Variants in ALPK1 observed in about 807,000 individuals in gnomAD.
ALPK1 encodes the protein alpha kinase 1.
Under a neutral mutation model 120.6 loss-of-function variants are expected in ALPK1, and 110 were observed. That is an observed-to-expected ratio of 0.91 (90% CI 0.78 to 1.07). The LOEUF is 1.07. ALPK1 is among the 50% of genes least tolerant of loss of function. The probability of loss-of-function intolerance (pLI) is 0.00; values close to 1 mark genes in which losing one functional copy is unlikely to be tolerated. For synonymous variants in ALPK1, 582 were observed against 560.3 expected, an observed-to-expected ratio of 1.04 and a Z score of -0.55; for missense variants, 1,498 against 1,483.9, an observed-to-expected ratio of 1.01 and a Z score of -0.16.
chr4:112,316,035 A>G (rs540667108), intron 2 of ALPK1, 183 bp downstream of exon 2: 32 of 152,342 alleles, frequency 2.1e-4, no homozygotes, highest in African/African-American at 7.5e-4. Context: ...ATTGTGGTAA[A>G]ATACACATAA....
intron 2 of ALPK1, among the ~76,000 whole-genome samples, chr4:112,335,675 A>G (rs1344412851): frequency 1.3e-5 from 2 of 152,170 alleles, no homozygotes; most frequent in Admixed American, 6.5e-5. Context: ...AACTCTTTAT[A>G]TTTTTCAATG....
At chr4:112,394,375 T>C (rs1732559762) in intron 4 of ALPK1, among the ~76,000 whole-genome samples, 1 of 152,212 alleles carries the variant, frequency 6.6e-6, no homozygotes, top group African/African-American at 2.4e-5. Flanking sequence ...ATTTAAAACT[T>C]GAATTTCTTT....
At chr4:112,356,101 G>T (rs1730599757) in intron 2 of ALPK1, 1 of 1,306,308 alleles carries the variant, frequency 7.7e-7, no homozygotes. Flanking sequence ...CTGCCCCTCA[G>T]CCACCCTCTG....
chr4:112,324,065 T>A (rs546272227), intron 2 of ALPK1, among the ~76,000 whole-genome samples: 1 of 152,020 alleles, frequency 6.6e-6, no homozygotes, highest in African/African-American at 2.4e-5. Context: ...TGGTGGCTCA[T>A]GCCTGTAATC....
chr4:112,369,143 G>C (rs1056682241), intron 2 of ALPK1, among the ~76,000 whole-genome samples: 2 of 152,174 alleles, frequency 1.3e-5, no homozygotes, highest in Non-Finnish European at 1.5e-5. Flanking sequence ...GTGTTAGATA[G>C]TCTTCCTCAA....
intron 2 of ALPK1, among the ~76,000 whole-genome samples, chr4:112,351,494 T>A (rs151327928): frequency 0.021 from 3,154 of 148,626 alleles, 42 homozygotes; most frequent in Admixed American, 0.033. Flanking sequence ...ATTTTTTTTT[T>A]ATAGAGTCTT....
chr4:112,432,487 T>G lies in ALPK1; in HGVS notation c.2940T>G (p.Phe980Leu), dbSNP rs1160462471. 1 of 1,614,000 alleles carries G rather than the reference T, an allele frequency of 6.2e-7. No homozygotes were observed. Among genetic ancestry groups the G allele is most frequent in the Admixed American group, 1.7e-5 (1 of 60,004 alleles). ...CTCGCACCTTGCAACCTGATGACTTTGAAAAGCTGTTGGCAGGAGTGAGGC... is the reference window on the plus strand; with the variant it reads ...CTCGCACCTTGCAACCTGATGACTTGGAAAAGCTGTTGGCAGGAGTGAGGC... ...LEARTLQPDD[F>L]EKLLAGVRHD... Residue 980 changes from phenylalanine to leucine, a missense_variant, in exon 11 of 16, where the codon TTT (phenylalanine) becomes TTG (leucine). Transcript: ENST00000650871.
At chr4:112,345,283 T>C (rs752253004) in intron 2 of ALPK1, among the ~76,000 whole-genome samples, 3 of 152,226 alleles carry the variant, frequency 2.0e-5, no homozygotes, top group Non-Finnish European at 4.4e-5. Context: ...CTTAAGATAA[T>C]ATTAAAGTTC....
chr4:112,399,726 G>T (rs1732822851), intron 4 of ALPK1, among the ~76,000 whole-genome samples: 2 of 152,034 alleles, frequency 1.3e-5, no homozygotes, highest in Non-Finnish European at 2.9e-5. Context: ...TCAGGTATTT[G>T]TCGTATTGCT....
At chr4:112,407,846 C>T (rs111845780) in intron 4 of ALPK1, among the ~76,000 whole-genome samples, 3,134 of 152,170 alleles carry the variant, frequency 0.021, 63 homozygotes, top group South Asian at 0.078. Flanking sequence ...CGGTGGCTCA[C>T]GCCTGTAATC....
intron 10 of ALPK1, 82 bp downstream of exon 10, chr4:112,429,335 G>A (rs1414640945): frequency 9.1e-7 from 1 of 1,096,262 alleles, no homozygotes; most frequent in African/African-American, 1.6e-5. Flanking sequence ...GAAGGGAAAG[G>A]TTTAACCTTC....
Position 112,361,713 on chromosome 4 carries a change from T to C in ALPK1, c.-100-15965T>C, listed in dbSNP as rs115576303. 2.5e-3 allele frequency among the ~76,000 whole-genome samples: 386 copies of C among 152,328 alleles called. 1 individual carries two copies. Among genetic ancestry groups the C allele is most frequent in the African/African-American group, 8.8e-3 (366 of 41,572 alleles). ...ACTGCCTGACTCTAGGGCAAGCTTG[T>C]ATCCTCCCTATACAACCACAGTTGA... On this transcript the variant is annotated intron_variant, in intron 2 of 15. Coordinates refer to ENST00000650871, the MANE Select transcript of ALPK1 (RefSeq NM_025144.4).
At chr4:112,371,638 A>G (rs935196804) in intron 2 of ALPK1, among the ~76,000 whole-genome samples, 1 of 152,202 alleles carries the variant, frequency 6.6e-6, no homozygotes, top group African/African-American at 2.4e-5. Context: ...CCTTCATACA[A>G]CTGCATGCCC....
chr4:112,374,876 A>C (rs1731582597), intron 2 of ALPK1, among the ~76,000 whole-genome samples: 1 of 152,228 alleles, frequency 6.6e-6, no homozygotes, highest in Non-Finnish European at 1.5e-5. Context: ...TGTTGTGAAC[A>C]GATATCCTGT....
intron 2 of ALPK1, among the ~76,000 whole-genome samples, chr4:112,365,634 A>T (rs2148719564): frequency 6.6e-6 from 1 of 152,292 alleles, no homozygotes; most frequent in Admixed American, 6.5e-5. Context: ...ATACTGCCAA[A>T]AGCAGTCTAT....
intron 2 of ALPK1, among the ~76,000 whole-genome samples, chr4:112,331,262 G>A (rs1188796136): frequency 1.3e-5 from 2 of 152,174 alleles, no homozygotes; most frequent in African/African-American, 2.4e-5. Context: ...TCTTTTGCCC[G>A]CTGATTATTG....
At chr4:112,357,360 C>T (rs182024793) in intron 2 of ALPK1, 91 of 725,582 alleles carry the variant, frequency 1.3e-4, no homozygotes, top group Admixed American at 7.0e-4. Flanking sequence ...GGCCCTGGTT[C>T]CCTGGCAGGG....
At chr4:112,300,016 G>A (rs1727716036) in intron 1 of ALPK1, among the ~76,000 whole-genome samples, 1 of 151,978 alleles carries the variant, frequency 6.6e-6, no homozygotes, top group African/African-American at 2.4e-5. Context: ...TTCATTTCTG[G>A]GAATCCATCC....
intron 2 of ALPK1, among the ~76,000 whole-genome samples, chr4:112,324,116 A>G (rs1469673306): frequency 2.0e-5 from 3 of 152,204 alleles, no homozygotes; most frequent in Admixed American, 2.0e-4. Context: ...TCACGAGGTC[A>G]GGAGATCGAG....
Sources: gnomAD v4.1 joint callset for allele counts (sites outside exome capture counted in the v4.1 genomes callset) on GRCh38, gnomAD v4.1.1 for gene constraint, MANE v1.5 for transcripts, NCBI Gene and HGNC (gene_info 2026-07-23, HGNC 2026-07-21) for gene names.